The following TSGA10 variants were observed in gnomAD, a reference collection of about 807,000 sequenced individuals.
TSGA10 encodes the protein testis-specific gene 10 protein.
TSGA10 carries 43 observed loss-of-function variants against 96.6 expected under a neutral mutation model. The ratio of observed to expected loss-of-function variants is 0.44; its 90% CI spans 0.35 to 0.57. The LOEUF (loss-of-function observed/expected upper bound fraction) is 0.57, where lower values mean the gene tolerates loss of function less well. TSGA10 is among the 20% of genes least tolerant of loss of function. TSGA10 has a pLI of 0.01. For synonymous variants in TSGA10, 229 were observed against 269.9 expected (o/e 0.85, Z 1.48); for missense variants, 703 against 834.4 (o/e 0.84, Z 1.94).
intron 4 of TSGA10, among the ~76,000 whole-genome samples, chr2:99,115,722 A>C (rs1356815337): frequency 6.6e-6 from 1 of 152,104 alleles, no homozygotes; most frequent in Non-Finnish European, 1.5e-5. Context: ...TCTACTAAAA[A>C]TATGAAAATT....
Position 99,001,916 on chromosome 2 carries a change from C to T in TSGA10, c.2073-3695G>A, listed in dbSNP as rs867050713. Among the ~76,000 whole-genome samples, 17 of 152,084 alleles carry T rather than the reference C, an allele frequency of 1.1e-4. 1 individual carries two copies. The South Asian group carries it at 3.1e-3, about 28-fold the overall frequency. ...TGAAGATCAAATGAATGAAATGAAGCAAGAAGAGAAGTTTAGAGAAAAAAG... is the reference window on the plus strand; with the variant it reads ...TGAAGATCAAATGAATGAAATGAAGTAAGAAGAGAAGTTTAGAGAAAAAAG... On this transcript the variant is annotated intron_variant, in intron 20 of 20. Coordinates refer to ENST00000393483, the MANE Select transcript of TSGA10 (RefSeq NM_025244.4).
chr2:99,059,731 G>A (rs1010097290), intron 16 of TSGA10, among the ~76,000 whole-genome samples: 1 of 146,916 alleles, frequency 6.8e-6, no homozygotes, highest in South Asian at 2.2e-4. Context: ...CGGCCAACAT[G>A]GTGAAACCCC....
intron 17 of TSGA10, among the ~76,000 whole-genome samples, chr2:99,025,488 T>G (rs75761779): frequency 0.014 from 2,157 of 152,306 alleles, 19 homozygotes; most frequent in Non-Finnish European, 0.023. Flanking sequence ...TTCCCGATTT[T>G]AGTAATTTGG....
intron 16 of TSGA10, among the ~76,000 whole-genome samples, chr2:99,044,171 C>T (rs2082496295): frequency 6.6e-6 from 1 of 152,044 alleles, no homozygotes; most frequent in South Asian, 2.1e-4. Flanking sequence ...CGAATTCACA[C>T]ATAACAATAT....
intron 17 of TSGA10, among the ~76,000 whole-genome samples, chr2:99,030,423 G>A (rs1320681004): frequency 6.6e-6 from 1 of 151,674 alleles, no homozygotes; most frequent in Non-Finnish European, 1.5e-5. Context: ...TGGGGCAGGA[G>A]GATTGCTTAA....
intron 16 of TSGA10, among the ~76,000 whole-genome samples, chr2:99,053,048 G>T (rs1446107975): frequency 6.6e-6 from 1 of 151,958 alleles, no homozygotes; most frequent in Non-Finnish European, 1.5e-5. Flanking sequence ...AGGGACAGAA[G>T]CAGACCCTGT....
At chr2:99,009,571 C>CA (rs765452742) in intron 20 of TSGA10, among the ~76,000 whole-genome samples, 690 of 45,246 alleles carry the variant, frequency 0.015, 25 homozygotes, top group African/African-American at 0.032. Flanking sequence ...GACCCTGTCT[C>CA]AAAAAAAAAA....
chr2:99,118,958 C>T (rs1328657624), intron 2 of TSGA10, among the ~76,000 whole-genome samples: 1 of 151,940 alleles, frequency 6.6e-6, no homozygotes, highest in Non-Finnish European at 1.5e-5. Context: ...TGTGTTAGTA[C>T]CCTGTAAAAG....
In TSGA10 at chr2:99,118,635, C is replaced by G. The variant is rs1020991124; in HGVS notation, c.-440G>C. ...CTTTCCTTCCCAGCCCACTATCAAACCATCAATGGATGAAGAAAAGGGCCT... is the reference window on the plus strand; with the variant it reads ...CTTTCCTTCCCAGCCCACTATCAAAGCATCAATGGATGAAGAAAAGGGCCT... On this transcript the variant is annotated 5_prime_UTR_variant, in exon 3 of 21. Coordinates refer to ENST00000393483, the MANE Select transcript of TSGA10 (RefSeq NM_025244.4). 3.0e-6 allele frequency: 3 copies of G among 984,638 alleles called. No individual in the cohort carries two copies. The African/African-American group carries it at 5.3e-5, about 17-fold the overall frequency. The allele number at this position is 984,638 out of a possible 1,614,324, so 61.0% of individuals were successfully genotyped here.
intron 12 of TSGA10, among the ~76,000 whole-genome samples, 190 bp downstream of exon 12, chr2:99,078,469 C>T (rs970323177): frequency 6.6e-6 from 1 of 152,010 alleles, no homozygotes; most frequent in African/African-American, 2.4e-5. Context: ...ATATTAGCTA[C>T]TAGATTTGTA....
At position 99,018,266 on chromosome 2, in the gene TSGA10, T is replaced by C; in HGVS notation, c.2006A>G (p.Lys669Arg). 1 of 1,613,992 alleles carries C rather than the reference T, an allele frequency of 6.2e-7. No individual in the cohort carries two copies. The stretch of plus-strand genomic sequence containing the variant: ...GTGAGCACGTTCTGGTGAATGACAT[T>C]TTGTATTTGGCTTCATTGTAGAACT... ...HMSSTMKPNT[K>R]CHSPERAHHR... Residue 669 changes from lysine to arginine, a missense_variant, in exon 20 of 21, where the codon AAA becomes AGA. Coordinates refer to ENST00000393483, the MANE Select transcript of TSGA10 (RefSeq NM_025244.4).
intron 20 of TSGA10, among the ~76,000 whole-genome samples, chr2:99,000,891 C>T (rs543229284): frequency 2.6e-5 from 4 of 152,270 alleles, no homozygotes; most frequent in East Asian, 3.9e-4. Context: ...AGTCCGAGAT[C>T]GAACTGCGAG....
At chr2:99,028,835 T>G (rs571515388) in intron 17 of TSGA10, among the ~76,000 whole-genome samples, 1 of 152,336 alleles carries the variant, frequency 6.6e-6, no homozygotes, top group South Asian at 2.1e-4. Flanking sequence ...AGTGGCTTTT[T>G]GAAAGCTCGT....
At chr2:99,019,066 C>A (rs190288951) in intron 18 of TSGA10, among the ~76,000 whole-genome samples, 95 of 152,184 alleles carry the variant, frequency 6.2e-4, no homozygotes, top group East Asian at 1.5e-3. Context: ...AACCAAGTGC[C>A]TTATAATGAA....
intron 1 of TSGA10, 149 bp from the exon 2 acceptor site, chr2:99,127,325 C>A: frequency 1.5e-6 from 1 of 655,592 alleles, no homozygotes; most frequent in Non-Finnish European, 2.1e-6. Context: ...CAAACTTTAC[C>A]TTCTTAAAAT....
intron 1 of TSGA10, chr2:99,141,115 G>C: frequency 1.0e-5 from 13 of 1,284,106 alleles, no homozygotes; most frequent in South Asian, 1.2e-5. Context: ...GGGCTCCTCG[G>C]CCCGCCGTCC....
intron 20 of TSGA10, among the ~76,000 whole-genome samples, chr2:99,012,686 G>A (rs4851183): frequency 6.6e-6 from 1 of 151,964 alleles, no homozygotes; most frequent in East Asian, 1.9e-4. Context: ...AGAAAACAAT[G>A]ACTATTAGAC....
intron 10 of TSGA10, among the ~76,000 whole-genome samples, chr2:99,101,244 CAAAAAAAAA>C (rs869263270): frequency 8.2e-5 from 2 of 24,348 alleles, no homozygotes; most frequent in Non-Finnish European, 1.3e-4. Context: ...GACTCTGTCT[CAAAAAAAAA>C]AAAAAAAAAA....
At chr2:99,092,400 C>T (rs1158597732) in intron 10 of TSGA10, among the ~76,000 whole-genome samples, 2 of 151,846 alleles carry the variant, frequency 1.3e-5, no homozygotes. Context: ...CAAACCAAAC[C>T]CAAACTCAGC....
Sources: allele counts gnomAD v4.1 joint callset (sites outside exome capture counted in the v4.1 genomes callset), GRCh38; gene constraint gnomAD v4.1.1; transcripts MANE v1.5; gene names NCBI Gene and HGNC (gene_info 2026-07-23, HGNC 2026-07-21).